Variants in FAM170A observed in about 807,000 individuals in gnomAD.
The protein encoded by FAM170A is family with sequence similarity 170 member A.
Under a neutral mutation model 36.6 loss-of-function variants are expected in FAM170A, and 28 were observed. The ratio of observed to expected loss-of-function variants is 0.76; its 90% CI spans 0.57 to 1.05. The LOEUF (loss-of-function observed/expected upper bound fraction) is 1.05. Ranked by LOEUF, FAM170A falls within the 50% of genes least tolerant of loss-of-function variation. The probability of loss-of-function intolerance (pLI) is 0.00; values close to 1 mark genes in which losing one functional copy is unlikely to be tolerated. For missense variants in FAM170A, 434 were observed against 396.5 expected, an observed-to-expected ratio of 1.09 and a Z score of -0.80; for synonymous variants, 156 against 143.9, an observed-to-expected ratio of 1.08 and a Z score of -0.60.
exon 3 of FAM170A, chr5:119,634,228 A>G: frequency 1.2e-6 from 2 of 1,614,244 alleles, no homozygotes; most frequent in Non-Finnish European, 1.7e-6. Context: ...GGATGGAAGA[A>G]GTGACCCTTT....
intron 2 of FAM170A, among the ~76,000 whole-genome samples, chr5:119,633,447 C>A (rs1029049453): frequency 5.3e-5 from 8 of 152,050 alleles, no homozygotes; most frequent in Non-Finnish European, 1.0e-4. Flanking sequence ...TAAGCACTTT[C>A]ATCGGAACTA....
At chr5:119,631,568 C>T (rs1182717107) in intron 1 of FAM170A, among the ~76,000 whole-genome samples, 1 of 152,146 alleles carries the variant, frequency 6.6e-6, no homozygotes. Context: ...TTCCAGGAGA[C>T]AGTCACTCAT....
chr5:119,635,028 C>A, intron 3 of FAM170A: 1 of 1,614,104 alleles, frequency 6.2e-7, no homozygotes, highest in Non-Finnish European at 8.5e-7. Context: ...TTTCACACAG[C>A]AGCTGAGACT....
At chr5:119,632,067 A>C (rs945975299) in intron 1 of FAM170A, among the ~76,000 whole-genome samples, 5 of 152,160 alleles carry the variant, frequency 3.3e-5, no homozygotes, top group Admixed American at 3.3e-4. Flanking sequence ...ACTTACGCTA[A>C]AAAAATTATT....
At chr5:119,632,929 G>C (rs1475006056) in intron 2 of FAM170A, 41 bp downstream of exon 2, 2 of 1,534,570 alleles carry the variant, frequency 1.3e-6, no homozygotes, top group Non-Finnish European at 1.8e-6. Context: ...CTCCTTGGCT[G>C]TGGGGTTCAT....
Position 119,634,900 on chromosome 5 carries a change from G to T in FAM170A, c.987-131G>T, listed in dbSNP as rs1756346615. The T allele has an allele frequency of 4.6e-6, 6 of 1,301,880 alleles. No individual in the cohort carries two copies. In the East Asian group the frequency reaches 1.4e-4, roughly 31 times the overall value. 80.6% of individuals were successfully genotyped at this position (1,301,880 alleles called of 1,614,324 possible). The stretch of plus-strand genomic sequence containing the variant: ...ACTGGGATCCCTGCTTCTTGCCTAG[G>T]CATCTAATAAAGTCTCGATTGTAAG... On this transcript the variant is annotated intron_variant, in intron 3 of 4. Transcript: ENST00000613773.
At chr5:119,629,823 G>T (rs576282871) in exon 1 of FAM170A, 1 of 1,613,326 alleles carries the variant, frequency 6.2e-7, no homozygotes, top group Middle Eastern at 1.7e-4. Context: ...CCAGGAAACC[G>T]CTGAGAAGGG....
intron 1 of FAM170A, 38 bp from the exon 2 acceptor site, chr5:119,632,710 C>T (rs1374171072): frequency 1.3e-6 from 2 of 1,496,104 alleles, no homozygotes; most frequent in Non-Finnish European, 1.8e-6. Context: ...AAACATTACC[C>T]ATCCATCATA....
At chr5:119,633,867 C>G (rs1756310856) in intron 2 of FAM170A, 93 bp from the exon 3 acceptor site, 1 of 1,476,446 alleles carries the variant, frequency 6.8e-7, no homozygotes, top group African/African-American at 1.4e-5. Flanking sequence ...TCACCACAGT[C>G]CCTGTCTCCT....
chr5:119,631,397 GTGTC>G, intron 1 of FAM170A, among the ~76,000 whole-genome samples: 1 of 152,314 alleles, frequency 6.6e-6, no homozygotes, highest in Non-Finnish European at 1.5e-5. Context: ...GCCTGTGTGT[GTGTC>G]TGTGTGTGCA....
chr5:119,633,515 G>A (rs567284258), intron 2 of FAM170A, among the ~76,000 whole-genome samples: 1 of 152,114 alleles, frequency 6.6e-6, no homozygotes, highest in Non-Finnish European at 1.5e-5. Flanking sequence ...CAGGCCTCCA[G>A]CACTGCAGCG....
exon 3 of FAM170A, chr5:119,634,204 A>G (rs1756323172): frequency 6.2e-7 from 1 of 1,614,254 alleles, no homozygotes; most frequent in Non-Finnish European, 8.5e-7. Context: ...TGGAGTCCTT[A>G]GAAAAGCAGC....
intron 2 of FAM170A, among the ~76,000 whole-genome samples, chr5:119,633,541 C>T (rs1318683383): frequency 6.6e-6 from 1 of 152,104 alleles, no homozygotes; most frequent in South Asian, 2.1e-4. Context: ...CTAGCTCAGG[C>T]CCACACACCT....
exon 3 of FAM170A, chr5:119,634,483 G>A: frequency 1.2e-6 from 2 of 1,614,224 alleles, no homozygotes; most frequent in Non-Finnish European, 1.7e-6. Flanking sequence ...CCCTCCAGGA[G>A]CATGTGCAGT....
chr5:119,633,898 AC>A, intron 2 of FAM170A, 61 bp from the exon 3 acceptor site: 1 of 1,548,432 alleles, frequency 6.5e-7, no homozygotes, highest in African/African-American at 1.4e-5. Context: ...TATTTAACTT[AC>A]GTTCCCTCAG....
intron 2 of FAM170A, among the ~76,000 whole-genome samples, 172 bp from the exon 3 acceptor site, chr5:119,633,788 G>A (rs1245709342): frequency 2.6e-5 from 4 of 151,838 alleles, no homozygotes; most frequent in Admixed American, 1.3e-4. Flanking sequence ...ATCCCTACAC[G>A]CAAATGACAC....
chr5:119,634,391 G>A, exon 3 of FAM170A: 7 of 1,614,154 alleles, frequency 4.3e-6, no homozygotes, highest in Non-Finnish European at 5.9e-6. Context: ...CACACCCAGA[G>A]CCAAGACTCC....
At chr5:119,632,601 A>T (rs777467406) in intron 1 of FAM170A, 147 bp from the exon 2 acceptor site, 113 of 632,186 alleles carry the variant, frequency 1.8e-4, no homozygotes, top group Middle Eastern at 3.1e-4. Flanking sequence ...TAAATACTGG[A>T]GTATCCACCA....
rs768999191 is a variant in FAM170A at position 119,634,283 on chromosome 5, A to G, written c.535A>G (p.Arg179Gly). 15 of 1,614,102 alleles carry G rather than the reference A, an allele frequency of 9.3e-6. No individual in the cohort carries two copies. The Admixed American group carries it at 2.5e-4, about 27-fold the overall frequency. ...TACTCCCCCCTCTGATGTGTCCACCAGAAACCTCCTGTCTGACAGTGAGCC... is the reference window on the plus strand; with the variant it reads ...TACTCCCCCCTCTGATGTGTCCACCGGAAACCTCCTGTCTGACAGTGAGCC... The change falls in exon 3 of 5, where the codon AGA becomes GGA. Residue 179 changes from arginine to glycine, a missense_variant. By Grantham distance (125) the Arg-to-Gly change is moderately radical (BLOSUM62 -2). Transcript: ENST00000613773.
Sources: gnomAD v4.1 joint callset for allele counts (sites outside exome capture counted in the v4.1 genomes callset) on GRCh38, gnomAD v4.1.1 for gene constraint, MANE v1.5 for transcripts, NCBI Gene and HGNC (gene_info 2026-07-23, HGNC 2026-07-21) for gene names.